HOXA4: variants seen among roughly 807,000 people sequenced by gnomAD.
The protein encoded by HOXA4 is homeobox A4, also known as homeobox protein Hox-A4.
HOXA4 carries 31 observed loss-of-function variants against 25.3 expected under a neutral mutation model. The observed-to-expected ratio is 1.22, with a 90% CI of 0.92 to 1.65. The LOEUF is 1.65. HOXA4 is among the 40% of genes most tolerant of loss of function. The pLI is 0.00. For missense variants in HOXA4, 459 were observed against 446.0 expected (o/e 1.03, Z -0.26); for synonymous variants, 225 against 207.7 (o/e 1.08, Z -0.72).
Position 27,130,157 on chromosome 7 carries a change from C to A in HOXA4, c.577G>T (p.Val193Leu). Residue 193 changes from valine (V) to leucine (L), a missense_variant, in exon 1 of 2, where the codon GTG becomes TTG. Coordinates refer to ENST00000360046, the MANE Select transcript of HOXA4 (RefSeq NM_002141.5). The part of the protein sequence containing the change: ...SPLGLKGKEP[V>L]VYPWMKKIHV... ...ATCTTCTTCATCCAGGGGTACACCA[C>A]GGGCTCCTTGCCCTTCAGGCCCAGC... is the stretch of plus-strand genomic sequence containing the variant. The A allele has an allele frequency of 6.2e-7, 1 of 1,602,456 alleles. No homozygotes were observed. The highest frequency in any genetic ancestry group is 8.5e-7 in the Non-Finnish European group (1 of 1,177,648).
rs914028233 is a variant in HOXA4, at chr7:27,129,171, G to A, written c.*54C>T. 9.4e-7 allele frequency: 1 copy of A among 1,063,304 alleles called. No homozygotes were observed. The highest frequency in any genetic ancestry group is 1.5e-6 in the Non-Finnish European group (1 of 678,350). The allele number at this position is 1,063,304 out of a possible 1,614,324, so 65.9% of individuals were successfully genotyped here. The stretch of plus-strand genomic sequence containing the variant: ...GGGGTGGATGAGGAACGGAGCAGGA[G>A]AAGAGAAGAGAAAAGCAGGTAAGGG... On this transcript the variant is annotated 3_prime_UTR_variant, in exon 2 of 2. Transcript: ENST00000360046.
chr7:27,130,629 G>A lies in HOXA4; in HGVS notation c.105C>T (p.Gly35=), dbSNP rs779775019. The change falls in exon 1 of 2, where the codon GGC becomes GGT. Residue 35 remains glycine, a synonymous_variant. Transcript: ENST00000360046. ...QHSGSGGADG[G]PGGGPGYQQP... is the part of the protein sequence containing the mutation. ...GCTGGTAGCCGGGGCCCCCGCCCGG[G>A]CCGCCGTCTGCGCCGCCCGAGCCGC... 2 of 1,575,000 alleles carry A rather than the reference G, an allele frequency of 1.3e-6. No homozygotes were observed. Among genetic ancestry groups the A allele is most frequent in the South Asian group, 2.3e-5 (2 of 86,964 alleles).
chr7:27,128,966 T>C lies in HOXA4; in HGVS notation c.*259A>G. 1 of 553,310 alleles carries C rather than the reference T, an allele frequency of 1.8e-6. No homozygotes were observed. The highest frequency in any genetic ancestry group is 3.2e-6 in the Non-Finnish European group (1 of 308,224). 34.3% of individuals were successfully genotyped at this position (553,310 alleles called of 1,614,324 possible). On this transcript the variant is annotated 3_prime_UTR_variant, in exon 2 of 2. Coordinates refer to ENST00000360046, the MANE Select transcript of HOXA4 (RefSeq NM_002141.5). ...TTGATACCAAGTAGTCCTTCTCAGG[T>C]ATCCACACCTGGCAGCCTTGTTTCG...
chr7:27,130,229 C>A lies in HOXA4; in HGVS notation c.505G>T (p.Gly169Trp). 7.1e-7 allele frequency: 1 copy of A among 1,401,104 alleles called. No individual in the cohort carries two copies. The highest frequency in any genetic ancestry group is 9.3e-7 in the Non-Finnish European group (1 of 1,075,618). The allele number at this position is 1,401,104 out of a possible 1,614,324, so 86.8% of individuals were successfully genotyped here. A position where few individuals can be genotyped will look rare whatever the true frequency, so the allele number is the denominator to read the frequency against. ...AAPATPGVPA[G>W]GSAPACPLLL... is the part of the protein sequence containing the mutation. ...AGCGGGCACGCGGGGGCGCTGCCCC[C>A]TGCCGGGACGCCTGGGGTGGCGGGG... Residue 169 changes from glycine to tryptophan, a missense_variant, in exon 1 of 2, where the codon GGG becomes TGG. Transcript: ENST00000360046.
chr7:27,130,330 A>ACGTGGCTCGCATGCAGGC lies in HOXA4; in HGVS notation c.386_403dup (p.Gly129_His134dup). On this transcript the variant is annotated inframe_insertion, in exon 1 of 2. Coordinates refer to ENST00000360046, the MANE Select transcript of HOXA4 (RefSeq NM_002141.5). The stretch of plus-strand genomic sequence containing the variant: ...GGGCGGCGGCAGCTGGGGCTGCAGG[A>ACGTGGCTCGCATGCAGGC]CGTGGCTCGCATGCAGGCCGTGCGC... The ACGTGGCTCGCATGCAGGC allele has an allele frequency of 9.1e-7, 1 of 1,104,000 alleles. No individual in the cohort carries two copies. Among genetic ancestry groups the ACGTGGCTCGCATGCAGGC allele is most frequent in the South Asian group, 4.3e-5 (1 of 23,190 alleles). 68.4% of individuals were successfully genotyped at this position (1,104,000 alleles called of 1,614,324 possible).
intron 1 of HOXA4, chr7:27,129,888 T>C: frequency 1.6e-6 from 1 of 609,064 alleles, no homozygotes; most frequent in Non-Finnish European, 2.9e-6. Context: ...CCTAACAGTT[T>C]GGCGTCTCGT....
Position 27,130,160 on chromosome 7 carries a change from G to T in HOXA4, c.574C>A (p.Pro192Thr), listed in dbSNP as rs776034911. The T allele has an allele frequency of 2.7e-5, 44 of 1,601,514 alleles. No homozygotes were observed. The highest frequency in any genetic ancestry group is 3.7e-5 in the Non-Finnish European group (43 of 1,177,376). ...KSPLGLKGKE[P>T]VVYPWMKKIH... is the part of the protein sequence containing the mutation. Reference sequence around the variant, plus strand: ...TTCTTCATCCAGGGGTACACCACGGGCTCCTTGCCCTTCAGGCCCAGCGGG... The same window carrying T: ...TTCTTCATCCAGGGGTACACCACGGTCTCCTTGCCCTTCAGGCCCAGCGGG... Residue 192 changes from proline to threonine, a missense_variant, in exon 1 of 2, where the codon CCC becomes ACC. Pro to Thr is a conservative substitution (Grantham distance 38, BLOSUM62 -1). Transcript: ENST00000360046.
At position 27,130,188 on chromosome 7, in the gene HOXA4, C is replaced by T. The variant is rs1252194245; in HGVS notation, c.546G>A (p.Lys182=). ...APACPLLLAD[K]SPLGLKGKEP... is the part of the protein sequence containing the mutation. The stretch of plus-strand genomic sequence containing the variant: ...CCTTGCCCTTCAGGCCCAGCGGGCT[C>T]TTGTCGGCCAAGAGCAGCGGGCACG... The change falls in exon 1 of 2, where the codon AAG becomes AAA. Residue 182 remains lysine (K), a synonymous_variant. Transcript: ENST00000360046. 6.3e-6 allele frequency: 10 copies of T among 1,585,184 alleles called. No individual in the cohort carries two copies. The highest frequency in any genetic ancestry group is 1.1e-5 in the South Asian group (1 of 89,094).
Position 27,130,581 on chromosome 7 carries a change from C to T in HOXA4, c.153G>A (p.Gln51=). The change falls in exon 1 of 2, where the codon CAG becomes CAA. Residue 51 remains glutamine (Q), a synonymous_variant. Transcript: ENST00000360046. ...GYQQPPAPPT[Q]HLPLQQPQLP... ...GCTGGGGCTGCTGCAGCGGCAGGTG[C>T]TGGGTCGGGGGCGCTGGGGGCTGCT... is the stretch of plus-strand genomic sequence containing the variant. The T allele has an allele frequency of 6.6e-7, 1 of 1,504,730 alleles. No individual in the cohort carries two copies. The highest frequency in any genetic ancestry group is 8.9e-7 in the Non-Finnish European group (1 of 1,125,322). 93.2% of individuals were successfully genotyped at this position (1,504,730 alleles called of 1,614,324 possible).
intron 1 of HOXA4, 35 bp downstream of exon 1, chr7:27,130,083 C>T: frequency 6.4e-7 from 1 of 1,563,742 alleles, no homozygotes; most frequent in African/African-American, 1.4e-5. Flanking sequence ...CCAGCCCCGG[C>T]CCACCTCCCG....
Position 27,129,267 on chromosome 7 carries a change from G to GTGGGGA in HOXA4, c.915_920dup (p.His309_Pro310dup). 6.2e-7 allele frequency: 1 copy of GTGGGGA among 1,612,252 alleles called. No homozygotes were observed. The highest frequency in any genetic ancestry group is 1.1e-5 in the South Asian group (1 of 91,044). On this transcript the variant is annotated inframe_insertion, in exon 2 of 2. Transcript: ENST00000360046. ...CGGGTGTGGAGGTGCTCGGGTGGGG[G>GTGGGGA]TGGGGATGGAGGTGTGGGCTCTGAG...
Position 27,130,615 on chromosome 7 carries a change from G to A in HOXA4, c.119C>T (p.Pro40Leu). 5.8e-6 allele frequency: 9 copies of A among 1,553,044 alleles called. No individual in the cohort carries two copies. The highest frequency in any genetic ancestry group is 7.0e-6 in the Non-Finnish European group (8 of 1,148,320). Residue 40 changes from proline to leucine, a missense_variant, in exon 1 of 2, where the codon CCC becomes CTC. Transcript: ENST00000360046. ...GGADGGPGGG[P>L]GYQQPPAPPT... ...GGGCGCTGGGGGCTGCTGGTAGCCG[G>A]GGCCCCCGCCCGGGCCGCCGTCTGC...
At position 27,129,139 on chromosome 7, in the gene HOXA4, A is replaced by G; in HGVS notation, c.*86T>C. The G allele has an allele frequency of 1.2e-6, 1 of 853,714 alleles. No homozygotes were observed. Among genetic ancestry groups the G allele is most frequent in the Non-Finnish European group, 2.0e-6 (1 of 489,720 alleles). The allele number at this position is 853,714 out of a possible 1,614,324, so 52.9% of individuals were successfully genotyped here. On this transcript the variant is annotated 3_prime_UTR_variant, in exon 2 of 2. Transcript: ENST00000360046. ...TGTTTTGGTGTCTATTATGGTCCAGATGGGGAGGGGTGGATGAGGAACGGA... is the reference window on the plus strand; with the variant it reads ...TGTTTTGGTGTCTATTATGGTCCAGGTGGGGAGGGGTGGATGAGGAACGGA...
chr7:27,129,283 G>A lies in HOXA4; in HGVS notation c.905C>T (p.Pro302Leu). ...CGGGTGGGGGTGGGGATGGAGGTGT[G>A]GGCTCTGAGTTTGTGCTTTCCCTGG... ...GPPGKAQTQS[P>L]HLHPHPHPST... The change falls in exon 2 of 2, where the codon CCA (proline) becomes CTA (leucine). Residue 302 changes from proline to leucine, a missense_variant. Coordinates refer to ENST00000360046, the MANE Select transcript of HOXA4 (RefSeq NM_002141.5). 2 of 1,613,978 alleles carry A rather than the reference G, an allele frequency of 1.2e-6. No individual in the cohort carries two copies. Among genetic ancestry groups the A allele is most frequent in the Non-Finnish European group, 1.7e-6 (2 of 1,179,932 alleles).
chr7:27,130,728 G>A lies in HOXA4; in HGVS notation c.6C>T (p.Thr2=), dbSNP rs1428253518. The A allele has an allele frequency of 6.2e-7, 1 of 1,605,822 alleles. No individual in the cohort carries two copies. Among genetic ancestry groups the A allele is most frequent in the Admixed American group, 1.7e-5 (1 of 59,496 alleles). Residue 2 remains threonine, a synonymous_variant, in exon 1 of 2, where the codon ACC becomes ACT. Transcript: ENST00000360046. ...TGGAGTTTATCAAAAACGAGCTCAT[G>A]GTCATTAATTTGTGAAGTGCAAAAA... The part of the protein sequence containing the change: M[T]MSSFLINSNY...
rs1250329458 is a variant in HOXA4 at position 27,129,142 on chromosome 7, G to C, written c.*83C>G. 3 of 862,796 alleles carry C rather than the reference G, an allele frequency of 3.5e-6. No individual in the cohort carries two copies. Among genetic ancestry groups the C allele is most frequent in the Admixed American group, 1.7e-5 (1 of 58,840 alleles). The allele number at this position is 862,796 out of a possible 1,614,324, so 53.4% of individuals were successfully genotyped here. On this transcript the variant is annotated 3_prime_UTR_variant, in exon 2 of 2. Transcript: ENST00000360046. ...TTTGGTGTCTATTATGGTCCAGATG[G>C]GGAGGGGTGGATGAGGAACGGAGCA...
chr7:27,130,143 C>T lies in HOXA4; in HGVS notation c.591G>A (p.Trp197Ter), dbSNP rs779113374. Residue 197 changes from tryptophan to a stop codon, truncating the protein, a stop_gained, in exon 1 of 2, where the codon TGG becomes TGA. Coordinates refer to ENST00000360046, the MANE Select transcript of HOXA4 (RefSeq NM_002141.5). LOFTEE classifies it high-confidence loss of function. ...LKGKEPVVYP[W>*]MKKIHVSAVN... The stretch of plus-strand genomic sequence containing the variant: ...CGGCGCTGACATGGATCTTCTTCAT[C>T]CAGGGGTACACCACGGGCTCCTTGC... 3.1e-6 allele frequency: 5 copies of T among 1,603,996 alleles called. No homozygotes were observed. In the South Asian group the frequency reaches 5.5e-5, roughly 18 times the overall value.
chr7:27,129,602 CAAGGAGGAGGGAGCGGAAGAGAGGGA>C, intron 1 of HOXA4, 31 bp from the exon 2 acceptor site: 1 of 1,606,044 alleles, frequency 6.2e-7, no homozygotes, highest in Non-Finnish European at 8.5e-7. Context: ...AATAGAAGGC[CAAGGAGGAGGGAGCGGAAGAGAGGGA>C]AAGGAGGAGG....
At position 27,130,114 on chromosome 7, in the gene HOXA4, G is replaced by T; in HGVS notation, c.616+4C>A. ...TCCCGCGCCTCCCAAGCGGCGCCAC[G>T]TACCGGCGCTGACATGGATCTTCTT... On this transcript the variant is annotated splice_donor_region_variant and intron_variant, in intron 1 of 1. Transcript: ENST00000360046. 1 of 1,596,070 alleles carries T rather than the reference G, an allele frequency of 6.3e-7. No individual in the cohort carries two copies.
Sources: gnomAD v4.1 joint callset for allele counts on GRCh38, gnomAD v4.1.1 for gene constraint, MANE v1.5 for transcripts, NCBI Gene and HGNC (gene_info 2026-07-23, HGNC 2026-07-21) for gene names.